DLGAP2: variants seen among roughly 807,000 people sequenced by gnomAD.
DLGAP2 encodes the protein DLG associated protein 2, also known as disks large-associated protein 2.
Under a neutral mutation model 100.3 loss-of-function variants are expected in DLGAP2, and 26 were observed. The observed-to-expected ratio is 0.26, with a 90% CI of 0.19 to 0.36. The LOEUF (loss-of-function observed/expected upper bound fraction) is 0.36. DLGAP2 is among the 10% of genes least tolerant of loss of function. The pLI is 1.00. For synonymous variants in DLGAP2, 886 were observed against 630.1 expected, an observed-to-expected ratio of 1.41 and a Z score of -6.08; for missense variants, 1,858 against 1,453.2, an observed-to-expected ratio of 1.28 and a Z score of -4.53.
intron 2 of DLGAP2, among the ~76,000 whole-genome samples, chr8:975,207 C>A (rs1800132431): frequency 6.6e-6 from 1 of 152,194 alleles, no homozygotes; most frequent in Non-Finnish European, 1.5e-5. Flanking sequence ...AATAGACAAT[C>A]TGAACAGGCC....
chr8:846,950 C>T (rs1797082888), intron 1 of DLGAP2, among the ~76,000 whole-genome samples: 1 of 152,198 alleles, frequency 6.6e-6, no homozygotes, highest in African/African-American at 2.4e-5. Context: ...ATTCTTGCTT[C>T]TCCTGTTTTT....
At chr8:823,625 G>T (rs1217894690) in intron 1 of DLGAP2, among the ~76,000 whole-genome samples, 2 of 152,086 alleles carry the variant, frequency 1.3e-5, no homozygotes, top group African/African-American at 4.8e-5. Context: ...CCTGGGACAC[G>T]CACCCCAGCA....
In DLGAP2 at chr8:1,703,808, A is replaced by G. The variant is rs1205985256; in HGVS notation, c.*2402A>G. Reference sequence around the variant, plus strand: ...ACTCATTGTTATTTTTCAATCCCCAAAAGTCTTGGCCTAAACCATCCCTAG... The same window carrying G: ...ACTCATTGTTATTTTTCAATCCCCAGAAGTCTTGGCCTAAACCATCCCTAG... On this transcript the variant is annotated 3_prime_UTR_variant, in exon 15 of 15. Transcript: ENST00000637795. The G allele has an allele frequency of 6.6e-6, 1 of 152,570 alleles. No homozygotes were observed. Among genetic ancestry groups the G allele is most frequent in the Non-Finnish European group, 1.5e-5 (1 of 68,036 alleles). The allele number at this position is 152,570 out of a possible 1,614,324, so 9.5% of individuals were successfully genotyped here.
intron 2 of DLGAP2, among the ~76,000 whole-genome samples, chr8:1,226,391 G>T (rs1016224885): frequency 3.3e-5 from 5 of 152,146 alleles, no homozygotes; most frequent in African/African-American, 9.7e-5. Flanking sequence ...AACACTACAT[G>T]TTCTCACTTA....
At chr8:1,698,036 G>C (rs1278681802) in intron 14 of DLGAP2, among the ~76,000 whole-genome samples, 1 of 152,222 alleles carries the variant, frequency 6.6e-6, no homozygotes, top group Non-Finnish European at 1.5e-5. Flanking sequence ...AATCAAGTCA[G>C]CATCCTTTGG....
chr8:1,234,058 A>C (rs930454234), intron 2 of DLGAP2, among the ~76,000 whole-genome samples: 1 of 152,186 alleles, frequency 6.6e-6, no homozygotes, highest in Non-Finnish European at 1.5e-5. Flanking sequence ...TGAATACCTA[A>C]CATTTTTAAA....
chr8:1,409,802 C>G (rs565556005), intron 3 of DLGAP2, among the ~76,000 whole-genome samples: 2 of 152,296 alleles, frequency 1.3e-5, no homozygotes, highest in African/African-American at 4.8e-5. Context: ...CTTCTCCTGC[C>G]CTCCACCAGA....
intron 1 of DLGAP2, among the ~76,000 whole-genome samples, chr8:843,280 C>G (rs991456161): frequency 1.3e-5 from 2 of 152,228 alleles, no homozygotes; most frequent in Admixed American, 6.5e-5. Flanking sequence ...TTTCCTGGCT[C>G]TGTTCCCTGC....
chr8:984,187 C>T (rs1800422241), intron 2 of DLGAP2, among the ~76,000 whole-genome samples: 1 of 152,104 alleles, frequency 6.6e-6, no homozygotes, highest in Non-Finnish European at 1.5e-5. Context: ...CTTAAACGTC[C>T]TGGATTCTAG....
At chr8:1,285,191 G>A (rs578081928) in intron 3 of DLGAP2, among the ~76,000 whole-genome samples, 5 of 152,120 alleles carry the variant, frequency 3.3e-5, no homozygotes, top group Admixed American at 2.0e-4. Context: ...TGTTGGTCAC[G>A]TTCCCAATGG....
chr8:900,379 C>T (rs1349023122), intron 1 of DLGAP2, among the ~76,000 whole-genome samples: 14 of 149,102 alleles, frequency 9.4e-5, no homozygotes, highest in African/African-American at 2.0e-4. Flanking sequence ...TGCTCCCGGG[C>T]GGATGGTGGG....
chr8:1,103,022 G>A (rs1440806081), intron 2 of DLGAP2, among the ~76,000 whole-genome samples: 1 of 151,754 alleles, frequency 6.6e-6, no homozygotes, highest in Non-Finnish European at 1.5e-5. Context: ...AGTCTCTGGA[G>A]TCTCTGTGGT....
intron 6 of DLGAP2, among the ~76,000 whole-genome samples, chr8:1,596,045 CCT>C (rs1796450624): frequency 6.7e-6 from 1 of 149,284 alleles, no homozygotes; most frequent in African/African-American, 2.5e-5. Context: ...CCAACAGGCC[CCT>C]GTGTGTGATA....
intron 3 of DLGAP2, among the ~76,000 whole-genome samples, chr8:1,424,706 A>C (rs1797191536): frequency 6.6e-6 from 1 of 152,190 alleles, no homozygotes; most frequent in Non-Finnish European, 1.5e-5. Context: ...CACAGACAGA[A>C]GGCCGGATAG....
intron 3 of DLGAP2, among the ~76,000 whole-genome samples, chr8:1,326,175 A>G (rs1008097333): frequency 6.6e-6 from 1 of 152,206 alleles, no homozygotes; most frequent in Non-Finnish European, 1.5e-5. Context: ...TTGGAAGTCT[A>G]ACTATTAGCA....
chr8:858,663 G>T (rs538450257), intron 1 of DLGAP2, among the ~76,000 whole-genome samples: 1 of 151,680 alleles, frequency 6.6e-6, no homozygotes, highest in South Asian at 2.1e-4. Context: ...GGGCACGTGA[G>T]ATGCTGTCTC....
intron 2 of DLGAP2, among the ~76,000 whole-genome samples, chr8:1,200,355 C>A (rs1403147720): frequency 6.6e-6 from 1 of 152,232 alleles, no homozygotes; most frequent in Non-Finnish European, 1.5e-5. Flanking sequence ...CCTAATTCAT[C>A]TTCAGAGCTT....
chr8:1,606,337 C>T (rs1016063933), intron 6 of DLGAP2, among the ~76,000 whole-genome samples: 6 of 152,100 alleles, frequency 3.9e-5, no homozygotes, highest in African/African-American at 9.7e-5. Context: ...TGGACTTGCG[C>T]GAACATCAGT....
chr8:1,105,868 A>AGGAG lies in DLGAP2; in HGVS notation c.74-152980_74-152977dup, dbSNP rs1192757125. On this transcript the variant is annotated intron_variant, in intron 2 of 14. Coordinates refer to ENST00000637795, the MANE Select transcript of DLGAP2 (RefSeq NM_001346810.2). ...GTTTTCTACTGAGGGGGACCATTCT[A>AGGAG]GGAGGGTTTTCTATTGAAGGGGGGC... Among the ~76,000 whole-genome samples the AGGAG allele has an allele frequency of 2.0e-4, 27 of 137,584 alleles. 2 individuals are homozygous for AGGAG. The South Asian group carries it at 5.9e-3, about 30-fold the overall frequency. The allele number at this position is 137,584 out of a possible 152,430, so 90.3% of individuals were successfully genotyped here.
Sources: gnomAD v4.1 joint callset for allele counts (sites outside exome capture counted in the v4.1 genomes callset) on GRCh38, gnomAD v4.1.1 for gene constraint, MANE v1.5 for transcripts, NCBI Gene and HGNC (gene_info 2026-07-23, HGNC 2026-07-21) for gene names.